CDH12: variants seen among roughly 807,000 people sequenced by gnomAD.
CDH12 encodes cadherin-12.
CDH12 carries 41 observed loss-of-function variants against 74.1 expected under a neutral mutation model. That is an observed-to-expected ratio of 0.55 (90% CI 0.43 to 0.72). The LOEUF is 0.72. CDH12 is among the 30% of genes least tolerant of loss of function. CDH12 has a pLI of 0.00. For missense variants in CDH12, 945 were observed against 977.2 expected (o/e 0.97, Z 0.44); for synonymous variants, 399 against 355.0 (o/e 1.12, Z -1.39).
chr5:22,177,419 G>A (rs1749401820), intron 4 of CDH12, among the ~76,000 whole-genome samples: 1 of 151,954 alleles, frequency 6.6e-6, no homozygotes, highest in South Asian at 2.1e-4. Flanking sequence ...GCTTCACAGG[G>A]GAAGGAATAA....
chr5:22,354,143 G>A (rs1252970522), intron 3 of CDH12, among the ~76,000 whole-genome samples: 3 of 152,074 alleles, frequency 2.0e-5, no homozygotes, highest in Non-Finnish European at 4.4e-5. Flanking sequence ...TCAAATTATC[G>A]AAGGCAAAAA....
At chr5:22,607,848 A>G (rs1467016239) in intron 1 of CDH12, among the ~76,000 whole-genome samples, 1 of 152,192 alleles carries the variant, frequency 6.6e-6, no homozygotes, top group Admixed American at 6.5e-5. Context: ...GGCAGCTTCC[A>G]TGTGGTGTTG....
chr5:22,007,407 T>C (rs1737029942), intron 5 of CDH12, among the ~76,000 whole-genome samples: 1 of 152,106 alleles, frequency 6.6e-6, no homozygotes, highest in South Asian at 2.1e-4. Flanking sequence ...GCACAATGTA[T>C]ACATAGTCCA....
chr5:22,722,627 G>A (rs1743958382), intron 1 of CDH12, among the ~76,000 whole-genome samples: 1 of 152,120 alleles, frequency 6.6e-6, no homozygotes. Context: ...TGTCAAATTA[G>A]GTAAAATAAA....
At chr5:22,107,804 G>A (rs1744568888) in intron 4 of CDH12, among the ~76,000 whole-genome samples, 4 of 152,004 alleles carry the variant, frequency 2.6e-5, no homozygotes, top group African/African-American at 9.7e-5. Flanking sequence ...AGATACACAC[G>A]AAGATTTTTA....
intron 2 of CDH12, among the ~76,000 whole-genome samples, chr5:22,429,400 A>G (rs1041161271): frequency 1.3e-5 from 2 of 152,076 alleles, no homozygotes; most frequent in African/African-American, 4.8e-5. Context: ...GGGCCTCCCA[A>G]AGTGCTGGTA....
At chr5:22,146,130 A>T (rs896341710) in intron 4 of CDH12, among the ~76,000 whole-genome samples, 5 of 152,094 alleles carry the variant, frequency 3.3e-5, no homozygotes, top group Admixed American at 3.3e-4. Context: ...AATCAATATT[A>T]GTTAATGAGG....
intron 6 of CDH12, among the ~76,000 whole-genome samples, chr5:21,915,265 T>C (rs1436543339): frequency 6.6e-6 from 1 of 152,102 alleles, no homozygotes; most frequent in African/African-American, 2.4e-5. Flanking sequence ...TACATTAAAA[T>C]TGAGAAATTA....
intron 5 of CDH12, among the ~76,000 whole-genome samples, chr5:22,054,979 TCATCCAATTTGA>T (rs1462817817): frequency 2.0e-5 from 3 of 152,188 alleles, no homozygotes; most frequent in Admixed American, 1.3e-4. Flanking sequence ...GTATAATTTG[TCATCCAATTTGA>T]CATCCAATGT....
At chr5:21,808,518 T>C (rs1298944531) in intron 9 of CDH12, among the ~76,000 whole-genome samples, 2 of 151,990 alleles carry the variant, frequency 1.3e-5, no homozygotes, top group African/African-American at 2.4e-5. Flanking sequence ...TCCGAGGATG[T>C]AGGCTTATCT....
At chr5:21,807,403 T>C (rs1747490622) in intron 9 of CDH12, among the ~76,000 whole-genome samples, 1 of 152,022 alleles carries the variant, frequency 6.6e-6, no homozygotes, top group Admixed American at 6.6e-5. Context: ...TGCAGTACCA[T>C]GGTCTCAGAG....
chr5:21,935,277 A>G (rs1283104008), intron 6 of CDH12, among the ~76,000 whole-genome samples: 1 of 152,134 alleles, frequency 6.6e-6, no homozygotes, highest in Non-Finnish European at 1.5e-5. Context: ...AATTTTCTAT[A>G]TTAAAAATAT....
At chr5:22,251,809 T>C (rs1040083702) in intron 3 of CDH12, among the ~76,000 whole-genome samples, 1 of 152,128 alleles carries the variant, frequency 6.6e-6, no homozygotes, top group Admixed American at 6.6e-5. Flanking sequence ...TGGGAAAGTA[T>C]TACTTACACG....
chr5:22,521,757 T>C (rs911146358), intron 1 of CDH12, among the ~76,000 whole-genome samples: 3 of 152,186 alleles, frequency 2.0e-5, no homozygotes, highest in East Asian at 1.9e-4. Context: ...CTTAAATGAA[T>C]GAACGTGGAT....
intron 1 of CDH12, among the ~76,000 whole-genome samples, chr5:22,834,099 A>G (rs1736725575): frequency 6.6e-6 from 1 of 152,128 alleles, no homozygotes; most frequent in African/African-American, 2.4e-5. Flanking sequence ...TGTTGTGTCT[A>G]TTGCACTTTA....
chr5:22,238,383 A>T (rs1561246118), intron 3 of CDH12, among the ~76,000 whole-genome samples: 1 of 151,982 alleles, frequency 6.6e-6, no homozygotes, highest in Non-Finnish European at 1.5e-5. Context: ...GGATAATTCA[A>T]ATGGATAAGA....
intron 6 of CDH12, among the ~76,000 whole-genome samples, chr5:21,947,685 A>G (rs1755641287): frequency 6.6e-6 from 1 of 152,246 alleles, no homozygotes; most frequent in Non-Finnish European, 1.5e-5. Flanking sequence ...CAAGCTGGCT[A>G]CAGAAATTTG....
chr5:21,790,690 TAG>T (rs1385385049), intron 10 of CDH12, among the ~76,000 whole-genome samples: 1 of 152,072 alleles, frequency 6.6e-6, no homozygotes, highest in Non-Finnish European at 1.5e-5. Flanking sequence ...TGCATAGGGA[TAG>T]AGTCATGTGT....
At chr5:21,758,520 AG>A (rs1311688070) in intron 13 of CDH12, among the ~76,000 whole-genome samples, 1 of 152,170 alleles carries the variant, frequency 6.6e-6, no homozygotes, top group Non-Finnish European at 1.5e-5. Context: ...TTTTATTATC[AG>A]GTTATAAAAT....
Sources: gnomAD v4.1 joint callset for allele counts (sites outside exome capture counted in the v4.1 genomes callset) on GRCh38, gnomAD v4.1.1 for gene constraint, MANE v1.5 for transcripts, NCBI Gene and HGNC (gene_info 2026-07-23, HGNC 2026-07-21) for gene names.